The following KIAA0753 variants were observed in gnomAD, a reference collection of about 807,000 sequenced individuals.
KIAA0753 encodes the protein KIAA0753.
In KIAA0753, 114 loss-of-function variants were observed where a neutral mutation model predicts 116.9. The ratio of observed to expected loss-of-function variants is 0.98; its 90% CI spans 0.84 to 1.14. The LOEUF (loss-of-function observed/expected upper bound fraction) is 1.14, where lower values mean the gene tolerates loss of function less well. Among genes scored for constraint, KIAA0753 ranks in the 50% most tolerant of loss-of-function variants. The pLI, the probability that KIAA0753 is intolerant of heterozygous loss-of-function variation, is 0.00. For missense variants in KIAA0753, 1,156 were observed against 1,172.4 expected (o/e 0.99, Z 0.20); for synonymous variants, 405 against 413.1 (o/e 0.98, Z 0.24).
At chr17:6,591,992 G>C (rs1399594899) in intron 16 of KIAA0753, among the ~76,000 whole-genome samples, 1 of 152,262 alleles carries the variant, frequency 6.6e-6, no homozygotes, top group African/African-American at 2.4e-5. Flanking sequence ...ATGCCAGAAA[G>C]TGCTATGGGT....
Position 6,589,904 on chromosome 17 carries a change from A to C in KIAA0753, c.2661T>G (p.Ala887=). ...GCATACCCGGTGGGACAAAGAGGGG[A>C]GCTCGGCCTTCTTTCTGTTGAGAAT... The part of the protein sequence containing the change: ...AEDSQQKEGR[A]PLFVPPGMQH... The change falls in exon 18 of 19, where the codon GCT becomes GCG. Residue 887 remains alanine (A), a synonymous_variant. Transcript: ENST00000361413. 6.2e-7 allele frequency: 1 copy of C among 1,613,482 alleles called. No individual in the cohort carries two copies. The highest frequency in any genetic ancestry group is 8.5e-7 in the Non-Finnish European group (1 of 1,179,768).
intron 16 of KIAA0753, among the ~76,000 whole-genome samples, chr17:6,591,052 A>AGGAG (rs879538350): frequency 7.3e-5 from 4 of 54,544 alleles, no homozygotes; most frequent in African/African-American, 3.0e-4. Flanking sequence ...AAGAAGAAGA[A>AGGAG]GAAGAAGAAG....
At position 6,610,372 on chromosome 17, in the gene KIAA0753, T is replaced by G. The variant is rs4796520; in HGVS notation, c.1546-212A>C. Among the ~76,000 whole-genome samples, 93,342 of 146,412 alleles carry G rather than the reference T, an allele frequency of 0.64. 30,519 individuals carry two copies. Among genetic ancestry groups the G allele is most frequent in the African/African-American group, 0.77 (30,356 of 39,196 alleles). ...GGCGGGGGGTGGAGGGTGTAGAATT[T>G]AAATCCCTGGCTCTGCCTGACACCT... On this transcript the variant is annotated intron_variant, in intron 8 of 18. Coordinates refer to ENST00000361413, the MANE Select transcript of KIAA0753 (RefSeq NM_014804.3).
In KIAA0753 at chr17:6,612,081, A is replaced by T; in HGVS notation, c.1383T>A (p.Asp461Glu). The change falls in exon 8 of 19, where the codon GAT becomes GAA. Residue 461 changes from aspartate to glutamate, a missense_variant. Transcript: ENST00000361413. ...GTCCTTCTTCCAGAACTATATCCGC[A>T]TCTAATACATCAAGCTCACTCTGCA... ...QRLQSELDVL[D>E]ADIVLEEGPF... 3 of 1,614,180 alleles carry T rather than the reference A, an allele frequency of 1.9e-6. No homozygotes were observed. Among genetic ancestry groups the T allele is most frequent in the Non-Finnish European group, 2.5e-6 (3 of 1,180,000 alleles).
chr17:6,617,789 T>C (rs1349092948), intron 7 of KIAA0753, among the ~76,000 whole-genome samples: 2 of 152,218 alleles, frequency 1.3e-5, no homozygotes, highest in East Asian at 3.9e-4. Context: ...ATCATGCCTA[T>C]GCGATGAAGC....
At chr17:6,584,946 C>G (rs1377583443) in intron 18 of KIAA0753, among the ~76,000 whole-genome samples, 1 of 151,844 alleles carries the variant, frequency 6.6e-6, no homozygotes, top group Non-Finnish European at 1.5e-5. Flanking sequence ...GGACTACAGG[C>G]ATGTACCACC....
chr17:6,640,703 C>T lies in KIAA0753; in HGVS notation c.-135G>A, dbSNP rs945946474. 2 of 160,736 alleles carry T rather than the reference C, an allele frequency of 1.2e-5. No individual in the cohort carries two copies. Among genetic ancestry groups the T allele is most frequent in the South Asian group, 1.7e-4 (1 of 5,990 alleles). The allele number at this position is 160,736 out of a possible 1,614,324, so 10.0% of individuals were successfully genotyped here. On this transcript the variant is annotated 5_prime_UTR_variant, in exon 1 of 19. Coordinates refer to ENST00000361413, the MANE Select transcript of KIAA0753 (RefSeq NM_014804.3). The stretch of plus-strand genomic sequence containing the variant: ...GGGGCCCCCAACAAGGCCGCGCTTC[C>T]GGCCGCCTGCCCAGTCGCCATAGCA...
Position 6,611,072 on chromosome 17 carries a change from C to CTTTT in KIAA0753, c.1545+846_1545+847insAAAA, listed in dbSNP as rs201349932. Among the ~76,000 whole-genome samples the CTTTT allele has an allele frequency of 8.5e-5, 13 of 152,282 alleles. No individual in the cohort carries two copies. In the East Asian group the frequency reaches 2.5e-3, roughly 29 times the overall value. ...CTAAAGAAGCCTTTGGGCAAGACCA[C>CTTTT]CAAATGTCACTAATACAATAAGGGT... is the stretch of plus-strand genomic sequence containing the variant. On this transcript the variant is annotated intron_variant, in intron 8 of 18. Coordinates refer to ENST00000361413, the MANE Select transcript of KIAA0753 (RefSeq NM_014804.3).
intron 7 of KIAA0753, 31 bp from the exon 8 acceptor site, chr17:6,612,179 G>C: frequency 1.3e-6 from 2 of 1,495,784 alleles, no homozygotes; most frequent in Middle Eastern, 1.7e-4. Context: ...AACAAACTGA[G>C]GAAAATGCTA....
chr17:6,595,738 A>G (rs1969420946), intron 15 of KIAA0753, among the ~76,000 whole-genome samples: 1 of 152,198 alleles, frequency 6.6e-6, no homozygotes, highest in African/African-American at 2.4e-5. Context: ...AAATTGAAGA[A>G]GATAAAATTA....
At position 6,628,504 on chromosome 17, in the gene KIAA0753, T is replaced by C. The variant is rs371754264; in HGVS notation, c.331A>G (p.Arg111Gly). The C allele has an allele frequency of 9.3e-6, 15 of 1,614,120 alleles. No homozygotes were observed. In the African/African-American group the frequency reaches 2.0e-4, roughly 22 times the overall value. ...TCTTTTATATGTTTTTCAAATTGTC[T>C]TCGTTTCACATCTCTTCTGGCTAGG... ...VHLARRDVKR[R>G]QFEKHIKEHH... Residue 111 changes from arginine (R) to glycine (G), a missense_variant, in exon 3 of 19, where the codon AGA becomes GGA. Transcript: ENST00000361413.
intron 2 of KIAA0753, among the ~76,000 whole-genome samples, chr17:6,630,585 TA>T (rs767258494): frequency 6.6e-6 from 1 of 152,166 alleles, no homozygotes; most frequent in Non-Finnish European, 1.5e-5. Flanking sequence ...TCTAGGAATT[TA>T]CCCTGTAGAC....
At chr17:6,586,776 G>A (rs75640205) in intron 18 of KIAA0753, among the ~76,000 whole-genome samples, 3,267 of 152,146 alleles carry the variant, frequency 0.021, 108 homozygotes, top group African/African-American at 0.073. Context: ...CAAGCTAATT[G>A]CTGGAACAGT....
Position 6,623,501 on chromosome 17 carries a change from C to T in KIAA0753, c.888+8G>A. ...GCAAGTATTGATCATAATTTAATTGCAGCATACCTTCTTAGTGTGTTTAAT... is the reference window on the plus strand; with the variant it reads ...GCAAGTATTGATCATAATTTAATTGTAGCATACCTTCTTAGTGTGTTTAAT... On this transcript the variant is annotated splice_region_variant and intron_variant, in intron 5 of 18. Transcript: ENST00000361413. 1.3e-6 allele frequency: 2 copies of T among 1,585,458 alleles called. No individual in the cohort carries two copies. Among genetic ancestry groups the T allele is most frequent in the Non-Finnish European group, 1.7e-6 (2 of 1,157,874 alleles).
intron 8 of KIAA0753, among the ~76,000 whole-genome samples, chr17:6,611,580 C>T (rs1970549445): frequency 6.6e-6 from 1 of 152,132 alleles, no homozygotes; most frequent in African/African-American, 2.4e-5. Flanking sequence ...GCCTGAGACA[C>T]CACACCCGGC....
intron 14 of KIAA0753, among the ~76,000 whole-genome samples, chr17:6,596,792 C>A (rs1969517648): frequency 6.6e-6 from 1 of 152,236 alleles, no homozygotes; most frequent in Admixed American, 6.5e-5. Flanking sequence ...GTCTTTGAAA[C>A]TCTGTACCTA....
intron 12 of KIAA0753, among the ~76,000 whole-genome samples, chr17:6,603,297 G>A (rs981010613): frequency 1.3e-4 from 20 of 152,066 alleles, no homozygotes; most frequent in Admixed American, 2.0e-4. Flanking sequence ...AATAAAGCAC[G>A]AAAACTTCTC....
Position 6,579,497 on chromosome 17 carries a change from G to A in KIAA0753, c.*250C>T. The stretch of plus-strand genomic sequence containing the variant: ...GAAAAGTACACATTCTGAAAATATT[G>A]CCATAATCAAGTTGTGTTGCCTGGG... On this transcript the variant is annotated 3_prime_UTR_variant, in exon 19 of 19. Coordinates refer to ENST00000361413, the MANE Select transcript of KIAA0753 (RefSeq NM_014804.3). 2.5e-6 allele frequency: 1 copy of A among 404,694 alleles called. No homozygotes were observed. Among genetic ancestry groups the A allele is most frequent in the Non-Finnish European group, 4.5e-6 (1 of 221,838 alleles). The allele number at this position is 404,694 out of a possible 1,614,324, so 25.1% of individuals were successfully genotyped here. A position where few individuals can be genotyped will look rare whatever the true frequency, so the allele number is the denominator to read the frequency against.
intron 2 of KIAA0753, among the ~76,000 whole-genome samples, chr17:6,630,139 T>C (rs1167006866): frequency 6.6e-6 from 1 of 151,332 alleles, no homozygotes; most frequent in East Asian, 1.9e-4. Flanking sequence ...ATAATAATTA[T>C]AATAATAATT....
Sources: gnomAD v4.1 joint callset for allele counts (sites outside exome capture counted in the v4.1 genomes callset) on GRCh38, gnomAD v4.1.1 for gene constraint, MANE v1.5 for transcripts, NCBI Gene and HGNC (gene_info 2026-07-23, HGNC 2026-07-21) for gene names.